Variants in DEDD observed in about 807,000 individuals in gnomAD.
DEDD encodes death effector domain containing.
DEDD carries 3 observed loss-of-function variants against 29.2 expected under a neutral mutation model. The ratio of observed to expected loss-of-function variants is 0.10; its 90% confidence interval spans 0.05 to 0.27. DEDD has a LOEUF of 0.27. Ranked by LOEUF, DEDD falls within the 10% of genes least tolerant of loss-of-function variation. The pLI is 1.00. For missense variants in DEDD, 261 were observed against 420.5 expected, an observed-to-expected ratio of 0.62 and a Z score of 3.32; for synonymous variants, 152 against 161.3, an observed-to-expected ratio of 0.94 and a Z score of 0.44.
intron 2 of DEDD, chr1:161,124,906 G>A (rs1452283528): frequency 1.9e-5 from 3 of 161,462 alleles, no homozygotes; most frequent in Non-Finnish European, 4.1e-5. Context: ...GATCAGCCTG[G>A]TCAACATAGC....
intron 4 of DEDD, 90 bp from the exon 5 acceptor site, chr1:161,123,311 C>T: frequency 7.8e-7 from 1 of 1,274,650 alleles, no homozygotes; most frequent in South Asian, 1.3e-5. Flanking sequence ...ATCATTTAGA[C>T]TTAGCACTAA....
intron 1 of DEDD, among the ~76,000 whole-genome samples, chr1:161,131,615 C>T (rs1656675423): frequency 6.6e-6 from 1 of 152,052 alleles, no homozygotes; most frequent in Admixed American, 6.5e-5. Context: ...CACACTTGGG[C>T]GACACCGGCT....
intron 2 of DEDD, among the ~76,000 whole-genome samples, chr1:161,125,993 G>T (rs1656129580): frequency 6.6e-6 from 1 of 152,162 alleles, no homozygotes; most frequent in Admixed American, 6.5e-5. Flanking sequence ...TTTGACTCAA[G>T]TCACTCATAC....
intron 2 of DEDD, among the ~76,000 whole-genome samples, chr1:161,130,176 GGAT>G (rs1368413772): frequency 9.9e-5 from 15 of 152,180 alleles, no homozygotes; most frequent in Non-Finnish European, 2.9e-5. Context: ...TTCTGAACAG[GGAT>G]GATATTTGTA....
At chr1:161,128,255 G>T (rs1656351375) in intron 2 of DEDD, among the ~76,000 whole-genome samples, 2 of 152,148 alleles carry the variant, frequency 1.3e-5, no homozygotes, top group South Asian at 4.1e-4. Flanking sequence ...TATGCCTGGT[G>T]GGGAAGGGGA....
chr1:161,124,658 T>C, intron 2 of DEDD, 132 bp from the exon 3 acceptor site: 1 of 1,225,870 alleles, frequency 8.2e-7, no homozygotes. Flanking sequence ...ATTTTTGAAG[T>C]GTTTGTTTAA....
In DEDD at chr1:161,123,955, G is replaced by A. The variant is rs1248801531; in HGVS notation, c.326-9C>T. Reference sequence around the variant, plus strand: ...TACAAGATCAGGGCACACTGTAGGAGGAGAAGTAATCATTCAGGAAAATAT... The same window carrying A: ...TACAAGATCAGGGCACACTGTAGGAAGAGAAGTAATCATTCAGGAAAATAT... On this transcript the variant is annotated splice_polypyrimidine_tract_variant and intron_variant, in intron 3 of 5. Transcript: ENST00000368006. 3 of 1,612,870 alleles carry A rather than the reference G, an allele frequency of 1.9e-6. No individual in the cohort carries two copies. The highest frequency in any genetic ancestry group is 2.2e-5 in the East Asian group (1 of 44,882).
chr1:161,121,190 A>G lies in DEDD; in HGVS notation c.*957T>C. The G allele has an allele frequency of 9.6e-7, 1 of 1,037,320 alleles. No individual in the cohort carries two copies. Among genetic ancestry groups the G allele is most frequent in the Non-Finnish European group, 1.2e-6 (1 of 860,136 alleles). The allele number at this position is 1,037,320 out of a possible 1,614,324, so 64.3% of individuals were successfully genotyped here. A position where few individuals can be genotyped will look rare whatever the true frequency, so the allele number is the denominator to read the frequency against. On this transcript the variant is annotated 3_prime_UTR_variant, in exon 6 of 6. Coordinates refer to ENST00000368006, the MANE Select transcript of DEDD (RefSeq NM_032998.3). ...CTCCCTACCTAAATAAAAGTGCAAC[A>G]CTCAGTGCATGTCCCAGCCCCATTC...
rs1449374966 is a variant in DEDD at position 161,122,665 on chromosome 1, A to G, written c.581-142T>C. 1.6e-5 allele frequency: 18 copies of G among 1,122,276 alleles called. No homozygotes were observed. Among genetic ancestry groups the G allele is most frequent in the Non-Finnish European group, 2.2e-5 (18 of 805,928 alleles). The allele number at this position is 1,122,276 out of a possible 1,614,324, so 69.5% of individuals were successfully genotyped here. ...GCTTCTCTACCTCTTCCCCAGGACT[A>G]TTTCTATGTATCTCTGAAATCCTTG... On this transcript the variant is annotated intron_variant, in intron 5 of 5. Transcript: ENST00000368006. The surrounding 1 kb of genome is among the most constrained non-coding windows in gnomAD (Gnocchi z 4.2).
chr1:161,130,578 A>G (rs1367977629), intron 2 of DEDD, among the ~76,000 whole-genome samples: 17 of 152,188 alleles, frequency 1.1e-4, no homozygotes, highest in Non-Finnish European at 1.5e-5. Flanking sequence ...ACTAGACAAT[A>G]ACAAACCAAA....
chr1:161,125,950 C>T (rs538735303), intron 2 of DEDD, among the ~76,000 whole-genome samples: 5 of 152,302 alleles, frequency 3.3e-5, no homozygotes, highest in Admixed American at 6.5e-5. Context: ...ATACCAATGA[C>T]GCAGCCATTA....
chr1:161,129,012 A>C (rs1200641734), intron 2 of DEDD, among the ~76,000 whole-genome samples: 1 of 152,118 alleles, frequency 6.6e-6, no homozygotes, highest in Non-Finnish European at 1.5e-5. Flanking sequence ...TTCTATGGGG[A>C]TATTAGAAAT....
intron 2 of DEDD, among the ~76,000 whole-genome samples, chr1:161,128,709 G>A (rs540125860): frequency 6.6e-6 from 1 of 152,108 alleles, no homozygotes; most frequent in African/African-American, 2.4e-5. Context: ...ATTCTAGGTG[G>A]AGCATGGTAA....
Position 161,122,645 on chromosome 1 carries a change from T to C in DEDD, c.581-122A>G. ...GTAGGGAATATCACCTGACAGCTTC[T>C]CTACCTCTTCCCCAGGACTATTTCT... On this transcript the variant is annotated intron_variant, in intron 5 of 5. Transcript: ENST00000368006. This position sits in a 1 kb window ranked among gnomAD's most constrained non-coding sequence, Gnocchi z 4.2. 3.2e-6 allele frequency: 4 copies of C among 1,243,488 alleles called. No homozygotes were observed. Among genetic ancestry groups the C allele is most frequent in the East Asian group, 2.4e-5 (1 of 42,408 alleles). The allele number at this position is 1,243,488 out of a possible 1,614,324, so 77.0% of individuals were successfully genotyped here. A position where few individuals can be genotyped will look rare whatever the true frequency, so the allele number is the denominator to read the frequency against.
At position 161,122,932 on chromosome 1, in the gene DEDD, A is replaced by C; in HGVS notation, c.580+143T>G. Reference sequence around the variant, plus strand: ...AATCATAAAGAGCAGTTCTTCCACCAGACACCAAACCATTCAGCCTCACTT... The same window carrying C: ...AATCATAAAGAGCAGTTCTTCCACCCGACACCAAACCATTCAGCCTCACTT... On this transcript the variant is annotated intron_variant, in intron 5 of 5. Transcript: ENST00000368006. This position sits in a 1 kb window ranked among gnomAD's most constrained non-coding sequence, Gnocchi z 4.2. 1 of 1,507,954 alleles carries C rather than the reference A, an allele frequency of 6.6e-7. No individual in the cohort carries two copies. Among genetic ancestry groups the C allele is most frequent in the South Asian group, 1.1e-5 (1 of 88,810 alleles). The allele number at this position is 1,507,954 out of a possible 1,614,324, so 93.4% of individuals were successfully genotyped here.
At position 161,122,048 on chromosome 1, in the gene DEDD, G is replaced by A; in HGVS notation, c.*99C>T. On this transcript the variant is annotated 3_prime_UTR_variant, in exon 6 of 6. Transcript: ENST00000368006. The surrounding 1 kb of genome is among the most constrained non-coding windows in gnomAD (Gnocchi z 4.2). ...TTAAAAAAAAAAAAAAAAAGGCAGG[G>A]GTGTGATTGGTTGGAAGGGTAGAGA... is the stretch of plus-strand genomic sequence containing the variant. 1 of 1,414,224 alleles carries A rather than the reference G, an allele frequency of 7.1e-7. No homozygotes were observed. The highest frequency in any genetic ancestry group is 2.6e-4 in the Middle Eastern group (1 of 3,784). 87.6% of individuals were successfully genotyped at this position (1,414,224 alleles called of 1,614,324 possible).
At position 161,124,465 on chromosome 1, in the gene DEDD, TG is replaced by T. The variant is rs767523996; in HGVS notation, c.-4del. 8 of 1,598,342 alleles carry T rather than the reference TG, an allele frequency of 5.0e-6. No individual in the cohort carries two copies. The South Asian group carries it at 6.7e-5, about 13-fold the overall frequency. ...GCCCGCCGCTTTAGGCCCGCCATGC[TG>T]GGGGCTCAGGTACGCAATGCTTTCC... is the stretch of plus-strand genomic sequence containing the variant. On this transcript the variant is annotated 5_prime_UTR_variant, in exon 3 of 6. Coordinates refer to ENST00000368006, the MANE Select transcript of DEDD (RefSeq NM_032998.3).
intron 4 of DEDD, among the ~76,000 whole-genome samples, 191 bp downstream of exon 4, chr1:161,123,648 A>G (rs571500463): frequency 3.4e-4 from 51 of 151,894 alleles, no homozygotes; most frequent in African/African-American, 1.1e-3. Flanking sequence ...AAAAAAAAAA[A>G]AAAAAGACAA....
intron 4 of DEDD, 120 bp downstream of exon 4, chr1:161,123,719 T>A (rs1289456470): frequency 2.2e-5 from 19 of 857,574 alleles, no homozygotes; most frequent in Non-Finnish European, 3.5e-5. Context: ...TTTTTTTTTT[T>A]ATGGGGCAAG....
Sources: allele counts gnomAD v4.1 joint callset (sites outside exome capture counted in the v4.1 genomes callset), GRCh38; gene constraint gnomAD v4.1.1; non-coding constraint Gnocchi (gnomAD v3.1); transcripts MANE v1.5; gene names NCBI Gene and HGNC (gene_info 2026-07-23, HGNC 2026-07-21).